The following BCL2L13 variants were observed in gnomAD, a reference collection of about 807,000 sequenced individuals.
The protein encoded by BCL2L13 is bcl-2-like protein 13.
Under a neutral mutation model 25.8 loss-of-function variants are expected in BCL2L13, and 13 were observed. That is an observed-to-expected ratio of 0.50 (90% confidence interval 0.33 to 0.80). The LOEUF (loss-of-function observed/expected upper bound fraction) is 0.80. BCL2L13 is among the 30% of genes least tolerant of loss of function. BCL2L13 has a pLI of 0.02. For missense variants in BCL2L13, 504 were observed against 574.9 expected (o/e 0.88, Z 1.26); for synonymous variants, 244 against 230.3 (o/e 1.06, Z -0.54).
At chr22:17,667,779 G>A (rs1331040319) in intron 2 of BCL2L13, among the ~76,000 whole-genome samples, 13 of 150,706 alleles carry the variant, frequency 8.6e-5, no homozygotes, top group East Asian at 8.0e-4. Context: ...AAAGTGTTGG[G>A]ATTACAGGCG....
upstream of BCL2L13, among the ~76,000 whole-genome samples, chr22:17,634,052 A>T (rs567977805): frequency 1.3e-5 from 2 of 151,816 alleles, no homozygotes. Flanking sequence ...TCCTCCACTT[A>T]CCACTTAACT....
chr22:17,649,379 G>C (rs913152854), intron 1 of BCL2L13, among the ~76,000 whole-genome samples: 6 of 152,082 alleles, frequency 3.9e-5, no homozygotes, highest in Non-Finnish European at 7.4e-5. Context: ...TTACAGGCGT[G>C]AGCCATCACG....
upstream of BCL2L13, among the ~76,000 whole-genome samples, chr22:17,633,588 G>C (rs1249094883): frequency 6.6e-6 from 1 of 152,116 alleles, no homozygotes; most frequent in Non-Finnish European, 1.5e-5. Context: ...TCCCAGGCAG[G>C]TTTACTAGAT....
At chr22:17,628,880 C>G (rs8140131), upstream of BCL2L13, 2 of 578,456 alleles carry the variant, frequency 3.5e-6, no homozygotes, top group Non-Finnish European at 6.2e-6. Flanking sequence ...TCGGGTCCTT[C>G]TACGTCGCTG....
chr22:17,713,949 T>C (rs977804411), intron 6 of BCL2L13, among the ~76,000 whole-genome samples: 7 of 150,714 alleles, frequency 4.6e-5, no homozygotes, highest in African/African-American at 1.7e-4. Flanking sequence ...GAGACCAGCC[T>C]GGCCAACACC....
rs1292458408 is a variant in BCL2L13, at chr22:17,648,075, A to G, written c.-50-7587A>G. On this transcript the variant is annotated intron_variant, in intron 1 of 6. Coordinates refer to ENST00000317582, the MANE Select transcript of BCL2L13 (RefSeq NM_015367.4). ...AACCCAGGAGGCGAAGGTTGCAGTGAGCCGAGGTCATGCCACTGCACTCCT... is the reference window on the plus strand; with the variant it reads ...AACCCAGGAGGCGAAGGTTGCAGTGGGCCGAGGTCATGCCACTGCACTCCT... Among the ~76,000 whole-genome samples the G allele has an allele frequency of 4.6e-5, 7 of 151,890 alleles. No homozygotes were observed. The East Asian group carries it at 1.4e-3, about 29-fold the overall frequency.
intron 6 of BCL2L13, among the ~76,000 whole-genome samples, chr22:17,722,386 T>C (rs58835098): frequency 0.07 from 10,436 of 148,802 alleles, 674 homozygotes; most frequent in African/African-American, 0.16. Flanking sequence ...GGGGTGTGTG[T>C]GTGTGTGTGT....
chr22:17,714,843 C>T (rs1449237546), intron 6 of BCL2L13, among the ~76,000 whole-genome samples: 1 of 151,754 alleles, frequency 6.6e-6, no homozygotes, highest in Non-Finnish European at 1.5e-5. Context: ...GGTTATGGTA[C>T]ACGTTATGTT....
intron 2 of BCL2L13, among the ~76,000 whole-genome samples, chr22:17,680,772 T>C (rs944633646): frequency 2.0e-5 from 3 of 151,916 alleles, no homozygotes; most frequent in African/African-American, 7.3e-5. Context: ...TTCTGGGTGG[T>C]GATTTTAGTA....
At chr22:17,694,005 G>A (rs1173519560) in intron 4 of BCL2L13, among the ~76,000 whole-genome samples, 8 of 150,800 alleles carry the variant, frequency 5.3e-5, no homozygotes, top group African/African-American at 1.9e-4. Context: ...CGATCCACCT[G>A]CCTTGGCCTC....
chr22:17,680,175 A>G (rs2059694595), intron 2 of BCL2L13, among the ~76,000 whole-genome samples: 2 of 134,506 alleles, frequency 1.5e-5, no homozygotes, highest in South Asian at 2.5e-4. Flanking sequence ...AGATTGTGCT[A>G]TTGCACTCCA....
At chr22:17,700,082 C>A (rs531377670) in intron 5 of BCL2L13, among the ~76,000 whole-genome samples, 4 of 151,844 alleles carry the variant, frequency 2.6e-5, no homozygotes, top group African/African-American at 9.7e-5. Context: ...TATTACCAAC[C>A]GCATAGAAAA....
At chr22:17,722,404 T>TGTGTGTGTGTGTGTGTGTGTGC (rs1569017642) in intron 6 of BCL2L13, among the ~76,000 whole-genome samples, 1 of 151,534 alleles carries the variant, frequency 6.6e-6, no homozygotes, top group African/African-American at 2.4e-5. Context: ...TGTGTGTGTG[T>TGTGTGTGTGTGTGTGTGTGTGC]GTGTGTGTGT....
intron 5 of BCL2L13, among the ~76,000 whole-genome samples, chr22:17,696,988 T>C (rs1286804462): frequency 1.3e-5 from 2 of 152,150 alleles, no homozygotes; most frequent in Non-Finnish European, 2.9e-5. Context: ...GTTACTTTTA[T>C]AGACACCTAC....
intron 6 of BCL2L13, chr22:17,706,570 C>G: frequency 1.4e-6 from 1 of 734,786 alleles, no homozygotes. Context: ...TTTACAAATG[C>G]CAGGTTTTCA....
rs1273332392 is a variant in BCL2L13 at position 17,640,882 on chromosome 22, T to TTA, written c.-51+2012_-51+2013dup. ...ATATATATGTTTGTTTATTAATTTT[T>TTA]TATATATATATATATATTTTTTTTT... On this transcript the variant is annotated intron_variant, in intron 1 of 6. Coordinates refer to ENST00000317582, the MANE Select transcript of BCL2L13 (RefSeq NM_015367.4). 8.3e-3 allele frequency among the ~76,000 whole-genome samples: 861 copies of TTA among 103,824 alleles called. 8 individuals carry two copies. Among genetic ancestry groups the TTA allele is most frequent in the Admixed American group, 0.022 (204 of 9,194 alleles). The allele number at this position is 103,824 out of a possible 152,430, so 68.1% of individuals were successfully genotyped here.
intron 4 of BCL2L13, among the ~76,000 whole-genome samples, chr22:17,695,114 C>A (rs1364439236): frequency 2.0e-5 from 3 of 152,122 alleles, no homozygotes; most frequent in African/African-American, 7.2e-5. Flanking sequence ...ACCATCAGGG[C>A]AAGAAAGAGA....
At chr22:17,650,848 C>CA (rs1183970644) in intron 1 of BCL2L13, among the ~76,000 whole-genome samples, 1 of 151,984 alleles carries the variant, frequency 6.6e-6, no homozygotes, top group African/African-American at 2.4e-5. Context: ...ACTGGGACTA[C>CA]AGGCATGTGC....
At chr22:17,691,749 C>G (rs774527919) in intron 4 of BCL2L13, among the ~76,000 whole-genome samples, 14 of 152,070 alleles carry the variant, frequency 9.2e-5, no homozygotes, top group Non-Finnish European at 1.6e-4. Context: ...TTAATTTTAA[C>G]TTTATGGTGT....
Sources: allele counts gnomAD v4.1 joint callset (sites outside exome capture counted in the v4.1 genomes callset), GRCh38; gene constraint gnomAD v4.1.1; transcripts MANE v1.5; gene names NCBI Gene and HGNC (gene_info 2026-07-23, HGNC 2026-07-21).